Variants in PLEKHG1 observed in about 807,000 individuals in gnomAD.
PLEKHG1 encodes pleckstrin homology domain-containing family G member 1.
A neutral mutation model predicts 100.8 loss-of-function variants in PLEKHG1; 44 were observed. The ratio of observed to expected loss-of-function variants is 0.44; its 90% CI spans 0.34 to 0.56. The LOEUF (loss-of-function observed/expected upper bound fraction) is 0.56. Ranked by LOEUF, PLEKHG1 falls within the 20% of genes least tolerant of loss-of-function variation. The pLI, the probability that PLEKHG1 is intolerant of heterozygous loss-of-function variation, is 0.01. For missense variants in PLEKHG1, 1,545 were observed against 1,720.9 expected (o/e 0.90, Z 1.81); for synonymous variants, 640 against 662.5 (o/e 0.97, Z 0.52).
intron 2 of PLEKHG1, among the ~76,000 whole-genome samples, chr6:150,765,517 G>A (rs1281797968): frequency 6.8e-6 from 1 of 147,600 alleles, no homozygotes. Context: ...AATTTAATGT[G>A]ATATCAGAAG....
chr6:150,803,647 A>G (rs1022726040), intron 6 of PLEKHG1, among the ~76,000 whole-genome samples: 3 of 152,186 alleles, frequency 2.0e-5, no homozygotes, highest in Non-Finnish European at 4.4e-5. Flanking sequence ...TACTGAAACC[A>G]TGAGATCCTT....
At chr6:150,634,166 C>T (rs2128563314) in intron 1 of PLEKHG1, among the ~76,000 whole-genome samples, 1 of 150,918 alleles carries the variant, frequency 6.6e-6, no homozygotes, top group African/African-American at 2.5e-5. Context: ...ATCACTTGAA[C>T]CCAGGAGGCA....
At chr6:150,635,356 T>C (rs1777948853) in intron 1 of PLEKHG1, among the ~76,000 whole-genome samples, 1 of 152,210 alleles carries the variant, frequency 6.6e-6, no homozygotes, top group African/African-American at 2.4e-5. Flanking sequence ...GTCTTCTAAT[T>C]AAAATGAAAA....
intron 3 of PLEKHG1, among the ~76,000 whole-genome samples, chr6:150,691,905 G>A (rs2128593832): frequency 6.6e-6 from 1 of 152,360 alleles, no homozygotes; most frequent in Middle Eastern, 3.4e-3. Context: ...ACCACTGTAA[G>A]TTCTACCCAA....
At chr6:150,783,207 C>G (rs906637701) in intron 3 of PLEKHG1, among the ~76,000 whole-genome samples, 2 of 148,156 alleles carry the variant, frequency 1.3e-5, no homozygotes, top group African/African-American at 5.0e-5. Flanking sequence ...GGGGAGGTCT[C>G]CCCCCACAAA....
chr6:150,625,322 G>T (rs1013901642), intron 1 of PLEKHG1, among the ~76,000 whole-genome samples: 48 of 151,978 alleles, frequency 3.2e-4, no homozygotes, highest in African/African-American at 1.1e-3. Context: ...TTGTTTCTTC[G>T]CAGGGTTGTT....
intron 3 of PLEKHG1, among the ~76,000 whole-genome samples, chr6:150,659,094 C>G (rs761424607): frequency 6.6e-6 from 1 of 152,180 alleles, no homozygotes; most frequent in Non-Finnish European, 1.5e-5. Context: ...GATGTGCACG[C>G]AGCCCAGCCA....
intron 3 of PLEKHG1, among the ~76,000 whole-genome samples, chr6:150,695,827 T>G (rs1780522352): frequency 6.6e-6 from 1 of 152,196 alleles, no homozygotes; most frequent in Non-Finnish European, 1.5e-5. Context: ...TGCTGATATT[T>G]TCTTGTAACA....
At chr6:150,654,405 C>T (rs1015524203) in intron 3 of PLEKHG1, among the ~76,000 whole-genome samples, 38 of 152,142 alleles carry the variant, frequency 2.5e-4, no homozygotes, top group Admixed American at 6.5e-4. Flanking sequence ...CCCTACTATG[C>T]GGCAGCGCTC....
chr6:150,792,756 C>T (rs1786073154), intron 4 of PLEKHG1, among the ~76,000 whole-genome samples: 1 of 152,182 alleles, frequency 6.6e-6, no homozygotes, highest in South Asian at 2.1e-4. Flanking sequence ...GATTGCCCTA[C>T]AGCAAGAGTA....
At chr6:150,737,472 T>G (rs143508462) in intron 2 of PLEKHG1, among the ~76,000 whole-genome samples, 8,266 of 151,730 alleles carry the variant, frequency 0.054, 764 homozygotes, top group African/African-American at 0.18. Flanking sequence ...TTTTGTATTT[T>G]TAGTAGAGAC....
intron 2 of PLEKHG1, among the ~76,000 whole-genome samples, chr6:150,739,090 G>C (rs1394616579): frequency 1.3e-5 from 2 of 151,950 alleles, no homozygotes. Flanking sequence ...CATAAGATTT[G>C]GCCTCAGATA....
At chr6:150,668,469 T>C (rs1371171376) in intron 3 of PLEKHG1, among the ~76,000 whole-genome samples, 3 of 152,224 alleles carry the variant, frequency 2.0e-5, no homozygotes, top group Non-Finnish European at 2.9e-5. Flanking sequence ...AATGGTCCAT[T>C]TGAGAAAGTG....
chr6:150,835,563 T>C (rs2128691509), intron 15 of PLEKHG1, among the ~76,000 whole-genome samples: 1 of 152,342 alleles, frequency 6.6e-6, no homozygotes, highest in African/African-American at 2.4e-5. Context: ...TGTCATGTAG[T>C]CATAATGTAT....
rs541705173 is a variant in PLEKHG1 at position 150,659,149 on chromosome 6, CTCTT to C, written c.-99+8364_-99+8367del. 6.9e-3 allele frequency among the ~76,000 whole-genome samples: 1,047 copies of C among 150,666 alleles called. 3 individuals carry two copies. The highest frequency in any genetic ancestry group is 0.017 in the Middle Eastern group (5 of 290). ...GGGACTGGGTTCTCTCTCTCTCTCT[CTCTT>C]GTTTCTCTGAACTCGTGAACCTCCT... On this transcript the variant is annotated intron_variant, in intron 3 of 3. Transcript: ENST00000367326.
At chr6:150,774,809 G>C (rs11961087) in intron 3 of PLEKHG1, among the ~76,000 whole-genome samples, 6,289 of 151,572 alleles carry the variant, frequency 0.041, 191 homozygotes, top group African/African-American at 0.095. Flanking sequence ...GGGATTACAG[G>C]GGGGAGCCAC....
intron 3 of PLEKHG1, among the ~76,000 whole-genome samples, chr6:150,666,580 T>C (rs937741139): frequency 1.3e-5 from 2 of 152,146 alleles, no homozygotes; most frequent in South Asian, 2.1e-4. Context: ...TAGGTGTTCA[T>C]TGCAGACACA....
intron 14 of PLEKHG1, among the ~76,000 whole-genome samples, chr6:150,828,955 AAAG>A (rs1277460924): frequency 6.6e-6 from 1 of 152,212 alleles, no homozygotes; most frequent in Non-Finnish European, 1.5e-5. Context: ...GTATGTGTGA[AAAG>A]AAATAAATGG....
intron 1 of PLEKHG1, among the ~76,000 whole-genome samples, chr6:150,611,090 C>T (rs1458838537): frequency 1.3e-5 from 2 of 152,238 alleles, no homozygotes; most frequent in Non-Finnish European, 2.9e-5. Context: ...ACTCATCCTT[C>T]TGTTCCCACT....
Sources: allele counts gnomAD v4.1 joint callset (sites outside exome capture counted in the v4.1 genomes callset), GRCh38; gene constraint gnomAD v4.1.1; transcripts MANE v1.5; gene names NCBI Gene and HGNC (gene_info 2026-07-23, HGNC 2026-07-21).